RRBP1: variants seen among roughly 807,000 people sequenced by gnomAD.
RRBP1 encodes ribosome-binding protein 1.
Under a neutral mutation model 165.2 loss-of-function variants are expected in RRBP1, and 94 were observed. The observed-to-expected ratio is 0.57, with a 90% CI of 0.48 to 0.68. The LOEUF (loss-of-function observed/expected upper bound fraction) is 0.68, where lower values mean the gene tolerates loss of function less well. Among genes scored for constraint, RRBP1 ranks in the 30% least tolerant of loss-of-function variants. The probability of loss-of-function intolerance (pLI) is 0.00; values close to 1 mark genes in which losing one functional copy is unlikely to be tolerated. For synonymous variants in RRBP1, 680 were observed against 714.5 expected (o/e 0.95, Z 0.77); for missense variants, 1,676 against 1,763.0 (o/e 0.95, Z 0.88).
chr20:17,646,432 T>C (rs559369016), intron 3 of RRBP1, among the ~76,000 whole-genome samples: 1 of 152,190 alleles, frequency 6.6e-6, no homozygotes, highest in Admixed American at 6.5e-5. Flanking sequence ...TGGGACCAGG[T>C]GGCCTGGAGT....
Position 17,658,640 on chromosome 20 carries a change from G to C in RRBP1, c.1868C>G (p.Ala623Gly), listed in dbSNP as rs1568780798. The change falls in exon 3 of 25, where the codon GCT becomes GGT. Residue 623 changes from alanine to glycine, a missense_variant. By Grantham distance (60) the Ala-to-Gly change is moderately conservative. Around this residue, in one of 5 missense-constraint regions of RRBP1, gnomAD observed 1,184 missense variants for 1,167.1 expected, o/e 1.01. Coordinates refer to ENST00000377813, the MANE Select transcript of RRBP1 (RefSeq NM_001365613.2). ...TGAACCAGACTTCTTCTTGGCAGGA[G>C]CCTCTTGCTTTGGTGCCTCTGGGCT... ...AQSPEAPKQE[A>G]PAKKKSGSKK... 6.8e-6 allele frequency: 11 copies of C among 1,610,644 alleles called. No homozygotes were observed. The highest frequency in any genetic ancestry group is 8.5e-6 in the Non-Finnish European group (10 of 1,178,582).
At chr20:17,637,149 A>G (rs1246029157) in intron 5 of RRBP1, among the ~76,000 whole-genome samples, 4 of 151,858 alleles carry the variant, frequency 2.6e-5, no homozygotes, top group Non-Finnish European at 5.9e-5. Flanking sequence ...GAAAGGCACC[A>G]AGCCCTGATG....
chr20:17,630,805 G>C (rs1287521031), intron 8 of RRBP1, among the ~76,000 whole-genome samples: 1 of 152,232 alleles, frequency 6.6e-6, no homozygotes, highest in Admixed American at 6.5e-5. Flanking sequence ...CCAGGTAAGA[G>C]GGGCATCAAC....
At chr20:17,650,289 G>A (rs1306251735) in intron 3 of RRBP1, among the ~76,000 whole-genome samples, 1 of 152,180 alleles carries the variant, frequency 6.6e-6, no homozygotes, top group Non-Finnish European at 1.5e-5. Flanking sequence ...TGACAACGTG[G>A]CAAGAATGGG....
intron 12 of RRBP1, 37 bp downstream of exon 12, chr20:17,625,475 T>G (rs1202343740): frequency 1.9e-6 from 3 of 1,588,050 alleles, no homozygotes; most frequent in Non-Finnish European, 2.6e-6. Flanking sequence ...TGTGCTTCCC[T>G]GGCCCGTCCG....
intron 2 of RRBP1, among the ~76,000 whole-genome samples, chr20:17,665,619 A>G (rs1266792828): frequency 6.6e-6 from 1 of 152,170 alleles, no homozygotes; most frequent in Non-Finnish European, 1.5e-5. Context: ...TATATTACAT[A>G]GTTGAACCAC....
In RRBP1 at chr20:17,652,787, C is replaced by T. The variant is rs118051780; in HGVS notation, c.1912+5809G>A. 7.4e-4 allele frequency among the ~76,000 whole-genome samples: 112 copies of T among 152,306 alleles called. 3 individuals carry two copies. In the East Asian group the frequency reaches 0.02, roughly 28 times the overall value. Reference sequence around the variant, plus strand: ...CCTTTCCAACAAAGGGAGGAACCCACGGTCTAACGTGTCTCATCCGGGCTT... The same window carrying T: ...CCTTTCCAACAAAGGGAGGAACCCATGGTCTAACGTGTCTCATCCGGGCTT... On this transcript the variant is annotated intron_variant, in intron 3 of 24. Transcript: ENST00000377813.
chr20:17,647,569 C>T (rs2122390073), intron 3 of RRBP1, among the ~76,000 whole-genome samples: 1 of 152,304 alleles, frequency 6.6e-6, no homozygotes, highest in East Asian at 1.9e-4. Context: ...GGACCCTGGT[C>T]CTAAGAGCCT....
At chr20:17,665,171 G>T (rs906376477) in intron 2 of RRBP1, among the ~76,000 whole-genome samples, 1 of 152,034 alleles carries the variant, frequency 6.6e-6, no homozygotes, top group African/African-American at 2.4e-5. Flanking sequence ...TTCTAGAGGG[G>T]GACAACACCC....
In RRBP1 at chr20:17,639,364, C is replaced by T. The variant is rs1005603899; in HGVS notation, c.2184+2433G>A. Among the ~76,000 whole-genome samples, 3 of 152,350 alleles carry T rather than the reference C, an allele frequency of 2.0e-5. No individual in the cohort carries two copies. In the East Asian group the frequency reaches 5.8e-4, roughly 29 times the overall value. ...TCTTTCTCAGTGTGTCCAGATCATG[C>T]CTTCAGCATCAGACCCCAAGAAACA... On this transcript the variant is annotated intron_variant, in intron 5 of 24. Transcript: ENST00000377813.
chr20:17,664,309 C>T (rs1240620634), intron 2 of RRBP1, among the ~76,000 whole-genome samples: 4 of 152,202 alleles, frequency 2.6e-5, no homozygotes, highest in African/African-American at 9.7e-5. Context: ...AGGCAAGACG[C>T]TACTCAGAAT....
At position 17,621,565 on chromosome 20, in the gene RRBP1, A is replaced by G. The variant is rs1376936206; in HGVS notation, c.3325-18T>C. On this transcript the variant is annotated intron_variant, in intron 15 of 24. Coordinates refer to ENST00000377813, the MANE Select transcript of RRBP1 (RefSeq NM_001365613.2). Reference sequence around the variant, plus strand: ...GCCAGGTCCTGAGAGAGGGAAGAACAGGTGTTTAGTTAGCCACACACAAAG... The same window carrying G: ...GCCAGGTCCTGAGAGAGGGAAGAACGGGTGTTTAGTTAGCCACACACAAAG... 1.2e-6 allele frequency: 2 copies of G among 1,606,178 alleles called. No individual in the cohort carries two copies. The highest frequency in any genetic ancestry group is 1.7e-6 in the Non-Finnish European group (2 of 1,174,428).
Position 17,633,516 on chromosome 20 carries a change from G to T in RRBP1, c.2554C>A (p.Arg852=), listed in dbSNP as rs565385159. 22 of 1,614,040 alleles carry T rather than the reference G, an allele frequency of 1.4e-5. 1 individual carries two copies. In the South Asian group the frequency reaches 2.2e-4, roughly 16 times the overall value. ...SEAVRQDEQQ[R]KALEAKAAAF... ...GCTGCCTTGGCTTCCAGAGCTTTCC[G>T]CTGCTGCTCATCTTGCCGCACAGCC... Residue 852 remains arginine (R), a synonymous_variant, in exon 8 of 25, where the codon CGG becomes AGG. Coordinates refer to ENST00000377813, the MANE Select transcript of RRBP1 (RefSeq NM_001365613.2).
chr20:17,619,621 G>A lies in RRBP1; in HGVS notation c.3675+12C>T. 1 of 1,597,514 alleles carries A rather than the reference G, an allele frequency of 6.3e-7. No homozygotes were observed. Among genetic ancestry groups the A allele is most frequent in the Non-Finnish European group, 8.6e-7 (1 of 1,168,360 alleles). ...CTGGGCAGGGGCTGCACTCCTTGGG[G>A]GGCAGACTCACCCCTGCCACCTCCT... On this transcript the variant is annotated intron_variant, in intron 19 of 24. Transcript: ENST00000377813.
At chr20:17,636,765 C>A (rs1185272307) in intron 5 of RRBP1, 36 bp from the exon 6 acceptor site, 1 of 1,610,126 alleles carries the variant, frequency 6.2e-7, no homozygotes, top group Non-Finnish European at 8.5e-7. Context: ...GGCTGGTAAG[C>A]CTTGCAGGGC....
At position 17,659,715 on chromosome 20, in the gene RRBP1, C is replaced by T; in HGVS notation, c.793G>A (p.Ala265Thr). 6.4e-7 allele frequency: 1 copy of T among 1,550,618 alleles called. No individual in the cohort carries two copies. Residue 265 changes from alanine (A) to threonine (T), a missense_variant, in exon 3 of 25, where the codon GCC becomes ACC. This residue lies in a region of RRBP1 where 392 missense variants were observed against 382.5 expected (regional missense o/e 1.02). Coordinates refer to ENST00000377813, the MANE Select transcript of RRBP1 (RefSeq NM_001365613.2). ...TPNQGKKAEGAQNQGKKVDTT... is the reference protein window; with the variant it reads ...TPNQGKKAEGTQNQGKKVDTT... ...TCTACCTTTTTACCCTGGTTCTGGG[C>T]CCCCTCCGCCTTTTTGCCTTGGTTT...
chr20:17,636,528 T>C (rs769909488), intron 6 of RRBP1, 49 bp downstream of exon 6: 1 of 1,593,050 alleles, frequency 6.3e-7, no homozygotes, highest in South Asian at 1.1e-5. Flanking sequence ...GTCCTGGACC[T>C]GGACTGGGTC....
Position 17,624,768 on chromosome 20 carries a change from C to T in RRBP1, c.3055-100G>A, listed in dbSNP as rs2035984256. On this transcript the variant is annotated intron_variant, in intron 12 of 24. Coordinates refer to ENST00000377813, the MANE Select transcript of RRBP1 (RefSeq NM_001365613.2). ...CAGGGCCCAGAGACCCTCCTTGATGCCACCCTGGCCCACAGAGGACCTGCC... is the reference window on the plus strand; with the variant it reads ...CAGGGCCCAGAGACCCTCCTTGATGTCACCCTGGCCCACAGAGGACCTGCC... 3 of 801,144 alleles carry T rather than the reference C, an allele frequency of 3.7e-6. No homozygotes were observed. In the South Asian group the frequency reaches 4.5e-5, roughly 12 times the overall value. 49.6% of individuals were successfully genotyped at this position (801,144 alleles called of 1,614,324 possible).
rs1165268669 is a variant in RRBP1 at position 17,627,485 on chromosome 20, C to T, written c.2928+19G>A. The stretch of plus-strand genomic sequence containing the variant: ...ATGGAGTTCCCTTTCCTCCCCGTGG[C>T]CCCAGGCAGAAGGCTGACCTGGACG... On this transcript the variant is annotated intron_variant, in intron 10 of 24. Transcript: ENST00000377813. 1.2e-6 allele frequency: 2 copies of T among 1,605,808 alleles called. No homozygotes were observed. Among genetic ancestry groups the T allele is most frequent in the Non-Finnish European group, 1.7e-6 (2 of 1,174,960 alleles).
Sources: gnomAD v4.1 joint callset for allele counts (sites outside exome capture counted in the v4.1 genomes callset) on GRCh38, gnomAD v4.1.1 for gene constraint, gnomAD v4.1.1 regional missense constraint, MANE v1.5 for transcripts, NCBI Gene and HGNC (gene_info 2026-07-23, HGNC 2026-07-21) for gene names.